SDCCAG8: variants seen among roughly 807,000 people sequenced by gnomAD.
SDCCAG8 encodes the protein SHH signaling and ciliogenesis regulator SDCCAG8, also known as serologically defined colon cancer antigen 8.
In SDCCAG8, 74 loss-of-function variants were observed where a neutral mutation model predicts 101.8. The ratio of observed to expected loss-of-function variants is 0.73; its 90% confidence interval spans 0.60 to 0.88. The LOEUF (loss-of-function observed/expected upper bound fraction) is 0.88, where lower values mean the gene tolerates loss of function less well. SDCCAG8 is among the 40% of genes least tolerant of loss of function. The pLI is 0.00. For synonymous variants in SDCCAG8, 281 were observed against 292.9 expected (o/e 0.96, Z 0.41); for missense variants, 787 against 822.6 (o/e 0.96, Z 0.53).
chr1:243,493,082 C>T (rs1041706603), intron 17 of SDCCAG8, among the ~76,000 whole-genome samples: 5 of 152,154 alleles, frequency 3.3e-5, no homozygotes, highest in African/African-American at 1.2e-4. Flanking sequence ...AGATGCAGTT[C>T]CCCACACTCT....
At chr1:243,311,370 A>AT (rs1162491520) in intron 8 of SDCCAG8, among the ~76,000 whole-genome samples, 2 of 152,082 alleles carry the variant, frequency 1.3e-5, no homozygotes, top group Non-Finnish European at 2.9e-5. Context: ...ACCATACTAC[A>AT]TTTTTCCCCT....
intron 16 of SDCCAG8, among the ~76,000 whole-genome samples, chr1:243,464,008 A>C (rs907280758): frequency 7.2e-5 from 11 of 151,946 alleles, no homozygotes; most frequent in Non-Finnish European, 1.0e-4. Context: ...CTTGTGTAGA[A>C]AGTTGGGTTG....
At chr1:243,495,499 G>A (rs766331028) in intron 17 of SDCCAG8, among the ~76,000 whole-genome samples, 16 of 152,198 alleles carry the variant, frequency 1.1e-4, no homozygotes, top group Non-Finnish European at 1.8e-4. Context: ...AAGAATGGCC[G>A]CTGCCCTGCG....
At chr1:243,328,651 G>T (rs2074381995) in intron 9 of SDCCAG8, among the ~76,000 whole-genome samples, 1 of 152,132 alleles carries the variant, frequency 6.6e-6, no homozygotes, top group East Asian at 1.9e-4. Context: ...ATTGGTGGTG[G>T]CCATTCCTAA....
In SDCCAG8 at chr1:243,327,423, A is replaced by AATTAAAATTATAATTTATAATTTT. The variant is rs1401239227; in HGVS notation, c.1069-3117_1069-3116insATTAAAATTATAATTTATAATTTT. 1.0e-3 allele frequency among the ~76,000 whole-genome samples: 113 copies of AATTAAAATTATAATTTATAATTTT among 108,068 alleles called. 7 individuals carry two copies. The highest frequency in any genetic ancestry group is 9.4e-4 in the Non-Finnish European group (43 of 45,740). 70.9% of individuals were successfully genotyped at this position (108,068 alleles called of 152,430 possible). On this transcript the variant is annotated intron_variant, in intron 9 of 17. Coordinates refer to ENST00000366541, the MANE Select transcript of SDCCAG8 (RefSeq NM_006642.5). ...TTATAGAAATTTATAATTTTATAGA[A>AATTAAAATTATAATTTATAATTTT]GTTAAAATTATAATTTATAATTTTG...
intron 17 of SDCCAG8, among the ~76,000 whole-genome samples, chr1:243,493,075 T>G (rs1666954874): frequency 6.6e-6 from 1 of 152,164 alleles, no homozygotes; most frequent in Admixed American, 6.5e-5. Context: ...TTTGCCTAGA[T>G]GCAGTTCCCC....
At chr1:243,381,218 G>A (rs773547374) in intron 13 of SDCCAG8, among the ~76,000 whole-genome samples, 10 of 152,140 alleles carry the variant, frequency 6.6e-5, no homozygotes, top group Non-Finnish European at 1.3e-4. Flanking sequence ...TTTAAAAACT[G>A]TAGTAGAGAT....
intron 16 of SDCCAG8, among the ~76,000 whole-genome samples, chr1:243,436,372 A>G (rs1306650001): frequency 6.6e-6 from 1 of 152,004 alleles, no homozygotes; most frequent in African/African-American, 2.4e-5. Flanking sequence ...TTCGTGTTTT[A>G]CAGTTAAATC....
chr1:243,398,797 C>T (rs2079184924), intron 13 of SDCCAG8, among the ~76,000 whole-genome samples: 1 of 152,276 alleles, frequency 6.6e-6, no homozygotes, highest in East Asian at 1.9e-4. Context: ...ATAGGTAGAA[C>T]CAATAGCTTC....
intron 16 of SDCCAG8, among the ~76,000 whole-genome samples, chr1:243,479,435 A>G (rs1327155598): frequency 3.3e-5 from 5 of 152,252 alleles, no homozygotes. Flanking sequence ...AAGCAGCCAT[A>G]GACAAAACGT....
intron 16 of SDCCAG8, among the ~76,000 whole-genome samples, chr1:243,440,202 A>G (rs1466765895): frequency 6.6e-6 from 1 of 152,150 alleles, no homozygotes; most frequent in East Asian, 1.9e-4. Context: ...TGAGGCTTAA[A>G]TGAGCTTAGC....
At chr1:243,323,688 G>A (rs370608612) in intron 9 of SDCCAG8, among the ~76,000 whole-genome samples, 27 of 152,058 alleles carry the variant, frequency 1.8e-4, no homozygotes, top group African/African-American at 6.3e-4. Context: ...TGAGTGCATC[G>A]CAGCCAGGCT....
chr1:243,333,565 ATGT>A (rs1325350453), intron 10 of SDCCAG8, among the ~76,000 whole-genome samples: 5 of 152,144 alleles, frequency 3.3e-5, no homozygotes, highest in African/African-American at 1.2e-4. Context: ...TTGTCCATAC[ATGT>A]TGTCTTTATT....
intron 9 of SDCCAG8, among the ~76,000 whole-genome samples, chr1:243,326,078 C>T (rs1213206214): frequency 1.3e-5 from 2 of 151,898 alleles, no homozygotes; most frequent in Admixed American, 6.6e-5. Context: ...ATGAAGTTAC[C>T]ATAAGCATAT....
intron 17 of SDCCAG8, among the ~76,000 whole-genome samples, chr1:243,493,878 G>A (rs532366854): frequency 1.3e-5 from 2 of 152,036 alleles, no homozygotes; most frequent in Non-Finnish European, 2.9e-5. Flanking sequence ...ATTGCAACTG[G>A]AAGCAAAGGG....
intron 4 of SDCCAG8, among the ~76,000 whole-genome samples, chr1:243,281,979 T>C (rs756428553): frequency 6.6e-6 from 1 of 152,046 alleles, no homozygotes; most frequent in Non-Finnish European, 1.5e-5. Flanking sequence ...TTTTATATGA[T>C]TGCATTTTAT....
At chr1:243,327,664 G>T (rs1185440848) in intron 9 of SDCCAG8, among the ~76,000 whole-genome samples, 1 of 151,932 alleles carries the variant, frequency 6.6e-6, no homozygotes, top group East Asian at 1.9e-4. Flanking sequence ...TCTGAAACTA[G>T]GAGAAGAAAC....
chr1:243,271,280 G>A (rs2068060906), intron 3 of SDCCAG8, among the ~76,000 whole-genome samples: 1 of 150,808 alleles, frequency 6.6e-6, no homozygotes, highest in South Asian at 2.1e-4. Context: ...CTTGGAAAAT[G>A]GGAGCAAGGG....
chr1:243,485,036 T>TC (rs1664511574), intron 16 of SDCCAG8, among the ~76,000 whole-genome samples: 1 of 140,370 alleles, frequency 7.1e-6, no homozygotes, highest in Non-Finnish European at 1.5e-5. Context: ...AGAGCAAGAC[T>TC]CCATCTCAAA....
Sources: allele counts gnomAD v4.1 joint callset (sites outside exome capture counted in the v4.1 genomes callset), GRCh38; gene constraint gnomAD v4.1.1; transcripts MANE v1.5; gene names NCBI Gene and HGNC (gene_info 2026-07-23, HGNC 2026-07-21).